Variants in DGKB observed in about 807,000 individuals in gnomAD.
DGKB encodes diacylglycerol kinase beta.
A neutral mutation model predicts 114.3 loss-of-function variants in DGKB; 67 were observed. The observed-to-expected ratio is 0.59, with a 90% CI of 0.48 to 0.72. The LOEUF (loss-of-function observed/expected upper bound fraction) is 0.72, where lower values mean the gene tolerates loss of function less well. DGKB is among the 30% of genes least tolerant of loss of function. The pLI is 0.00. For synonymous variants in DGKB, 398 were observed against 323.1 expected (o/e 1.23, Z -2.49); for missense variants, 907 against 975.2 (o/e 0.93, Z 0.93).
chr7:14,892,081 T>C (rs1781326700), intron 1 of DGKB, among the ~76,000 whole-genome samples: 1 of 151,352 alleles, frequency 6.6e-6, no homozygotes, highest in African/African-American at 2.4e-5. Flanking sequence ...AGGTCTTCTT[T>C]GGACAGTAAG....
intron 14 of DGKB, among the ~76,000 whole-genome samples, chr7:14,623,201 G>C (rs776044198): frequency 6.6e-6 from 1 of 152,168 alleles, no homozygotes; most frequent in Non-Finnish European, 1.5e-5. Context: ...GGCTTGATGT[G>C]AAAAATTGTC....
intron 23 of DGKB, among the ~76,000 whole-genome samples, chr7:14,283,987 T>A (rs1458272721): frequency 6.6e-6 from 1 of 151,900 alleles, no homozygotes; most frequent in Non-Finnish European, 1.5e-5. Flanking sequence ...CCAAAAGCAA[T>A]GGCAACAAAA....
chr7:14,885,595 T>G (rs1443469750), intron 1 of DGKB, among the ~76,000 whole-genome samples: 1 of 151,928 alleles, frequency 6.6e-6, no homozygotes, highest in Non-Finnish European at 1.5e-5. Flanking sequence ...CGATTAAACG[T>G]GCCTACATAC....
intron 23 of DGKB, among the ~76,000 whole-genome samples, chr7:14,265,631 T>G (rs1389314139): frequency 6.6e-6 from 1 of 152,100 alleles, no homozygotes; most frequent in African/African-American, 2.4e-5. Flanking sequence ...ATAATTACAT[T>G]TTTTTAAGCT....
intron 2 of DGKB, among the ~76,000 whole-genome samples, chr7:14,807,777 C>A (rs747517366): frequency 2.0e-5 from 3 of 151,864 alleles, no homozygotes; most frequent in Non-Finnish European, 2.9e-5. Context: ...AAAGCATCTC[C>A]TTTTGGGGCT....
intron 1 of DGKB, among the ~76,000 whole-genome samples, chr7:14,974,323 G>C (rs13438098): frequency 0.011 from 1,624 of 152,110 alleles, 40 homozygotes; most frequent in African/African-American, 0.037. Context: ...ACACATGAGA[G>C]ACAAGTTATT....
chr7:14,415,776 G>A (rs1825632442), intron 21 of DGKB, among the ~76,000 whole-genome samples: 1 of 152,086 alleles, frequency 6.6e-6, no homozygotes, highest in Non-Finnish European at 1.5e-5. Flanking sequence ...AATCCTTTGG[G>A]TATATACCCA....
chr7:14,685,091 A>C (rs1470160188), intron 10 of DGKB, among the ~76,000 whole-genome samples, 154 bp downstream of exon 10: 2 of 152,192 alleles, frequency 1.3e-5, no homozygotes, highest in African/African-American at 2.4e-5. Context: ...GAGTAACCTA[A>C]ATATTCAAAA....
chr7:14,954,915 T>C (rs1423554188), intron 1 of DGKB, among the ~76,000 whole-genome samples: 1 of 151,944 alleles, frequency 6.6e-6, no homozygotes, highest in Non-Finnish European at 1.5e-5. Flanking sequence ...TCCAAATCAA[T>C]GACAAACTAT....
chr7:14,252,847 A>G (rs12667564), intron 23 of DGKB, among the ~76,000 whole-genome samples: 18,682 of 152,108 alleles, frequency 0.12, 1,466 homozygotes, highest in East Asian at 0.2. Flanking sequence ...TGTGGAGGAT[A>G]TCTCTCTCCA....
chr7:14,246,129 T>A (rs1469176226), intron 23 of DGKB, among the ~76,000 whole-genome samples: 2 of 152,172 alleles, frequency 1.3e-5, no homozygotes, highest in African/African-American at 4.8e-5. Flanking sequence ...GCAATGTTCA[T>A]GAAAGCTTCA....
chr7:14,643,370 C>T (rs1812215635), intron 13 of DGKB, among the ~76,000 whole-genome samples: 1 of 151,922 alleles, frequency 6.6e-6, no homozygotes, highest in Non-Finnish European at 1.5e-5. Context: ...AGAGGAAAAT[C>T]AAACTGGGTG....
At chr7:14,921,845 T>C (rs967510954) in intron 1 of DGKB, among the ~76,000 whole-genome samples, 3 of 152,300 alleles carry the variant, frequency 2.0e-5, no homozygotes, top group Admixed American at 6.5e-5. Context: ...TTTAGCAAGA[T>C]ACAATGTGAT....
chr7:14,556,176 A>G (rs1563499037), intron 20 of DGKB, among the ~76,000 whole-genome samples: 1 of 152,200 alleles, frequency 6.6e-6, no homozygotes, highest in Non-Finnish European at 1.5e-5. Flanking sequence ...GCATAAAATT[A>G]TTTAGATTTC....
chr7:14,548,634 T>G (rs1440428805), intron 20 of DGKB, among the ~76,000 whole-genome samples: 1 of 152,028 alleles, frequency 6.6e-6, no homozygotes, highest in African/African-American at 2.4e-5. Context: ...GAGATGAGAT[T>G]GGAGATTGAG....
At chr7:14,770,556 T>A (rs771255254) in intron 2 of DGKB, among the ~76,000 whole-genome samples, 1 of 152,140 alleles carries the variant, frequency 6.6e-6, no homozygotes, top group Non-Finnish European at 1.5e-5. Flanking sequence ...AAGTTTTCTG[T>A]AACCATTCAT....
At chr7:14,588,848 T>C (rs907823580) in intron 17 of DGKB, among the ~76,000 whole-genome samples, 2 of 152,204 alleles carry the variant, frequency 1.3e-5, no homozygotes, top group African/African-American at 2.4e-5. Flanking sequence ...GCATGAAGAA[T>C]CTTACCAATT....
chr7:14,827,462 GACTA>G lies in DGKB; in HGVS notation c.70+13728_70+13731del, dbSNP rs373813123. ...ACAGACACAGACAGACAGACAGACA[GACTA>G]ACTACACGGAGAAATCTCAACCTCT... On this transcript the variant is annotated intron_variant, in intron 2 of 25. Coordinates refer to ENST00000402815, the MANE Select transcript of DGKB (RefSeq NM_001350709.2). 7.4e-4 allele frequency among the ~76,000 whole-genome samples: 112 copies of G among 152,062 alleles called. 1 individual carries two copies. Among genetic ancestry groups the G allele is most frequent in the South Asian group, 4.8e-3 (23 of 4,822 alleles).
chr7:14,801,853 T>C (rs901009524), intron 2 of DGKB, among the ~76,000 whole-genome samples: 2 of 151,948 alleles, frequency 1.3e-5, no homozygotes, highest in Non-Finnish European at 2.9e-5. Context: ...TGTGTATCTA[T>C]ATATACATGT....
Sources: gnomAD v4.1 joint callset for allele counts (sites outside exome capture counted in the v4.1 genomes callset) on GRCh38, gnomAD v4.1.1 for gene constraint, MANE v1.5 for transcripts, NCBI Gene and HGNC (gene_info 2026-07-23, HGNC 2026-07-21) for gene names.